Variants in ASPH observed in about 807,000 individuals in gnomAD.
ASPH encodes aspartyl/asparaginyl beta-hydroxylase.
In ASPH, 100 loss-of-function variants were observed where a neutral mutation model predicts 118.4. The ratio of observed to expected loss-of-function variants is 0.84; its 90% CI spans 0.72 to 1.00. The LOEUF (loss-of-function observed/expected upper bound fraction) is 1.00, where lower values mean the gene tolerates loss of function less well. Ranked by LOEUF, ASPH falls within the 50% of genes least tolerant of loss-of-function variation. ASPH has a pLI of 0.00. For missense variants in ASPH, 920 were observed against 919.5 expected (o/e 1.00, Z -0.01); for synonymous variants, 315 against 325.6 (o/e 0.97, Z 0.35).
chr8:61,514,944 G>A (rs917985300), intron 24 of ASPH, among the ~76,000 whole-genome samples: 3 of 151,272 alleles, frequency 2.0e-5, no homozygotes, highest in African/African-American at 7.3e-5. Flanking sequence ...AGGCAGGAAG[G>A]CAGGGAGGCA....
At chr8:61,684,975 T>C (rs1399811436) in intron 1 of ASPH, among the ~76,000 whole-genome samples, 1 of 151,980 alleles carries the variant, frequency 6.6e-6, no homozygotes. Context: ...TATTAATAAA[T>C]AAAAAGAATA....
rs114354626 is a variant in ASPH, at chr8:61,671,483, C to G, written c.322+9485G>C. Among the ~76,000 whole-genome samples, 1,061 of 152,250 alleles carry G rather than the reference C, an allele frequency of 7.0e-3. 15 individuals carry two copies. The highest frequency in any genetic ancestry group is 0.024 in the African/African-American group (999 of 41,544). On this transcript the variant is annotated intron_variant, in intron 3 of 24. Transcript: ENST00000379454. ...ACATCTTGGTATTTCTTAATCCATT[C>G]AGACAAAAGTTGTTTTTAATTAATA... is the stretch of plus-strand genomic sequence containing the variant.
rs757411104 is a variant in ASPH at position 61,553,099 on chromosome 8, G to C, written c.1558C>G (p.Pro520Ala). The C allele has an allele frequency of 6.2e-7, 1 of 1,613,464 alleles. No individual in the cohort carries two copies. The highest frequency in any genetic ancestry group is 1.1e-5 in the South Asian group (1 of 91,064). ...YLKEGIESGDPGTDDGRFYFH... is the reference protein window; with the variant it reads ...YLKEGIESGDAGTDDGRFYFH... ...TAAAATCTCCCATCATCAGTGCCAG[G>C]ATCTCCGGATTCTATTCCTTCCTGT... The change falls in exon 20 of 25, where the codon CCT becomes GCT. Residue 520 changes from proline to alanine, a missense_variant. By Grantham distance (27) the Pro-to-Ala change is conservative (BLOSUM62 -1). Coordinates refer to ENST00000379454, the MANE Select transcript of ASPH (RefSeq NM_004318.4).
At chr8:61,689,874 C>A (rs1057352858) in intron 1 of ASPH, 22 of 1,327,068 alleles carry the variant, frequency 1.7e-5, no homozygotes, top group Non-Finnish European at 2.1e-5. Context: ...AAACTCTGCT[C>A]ACCAGTTATT....
chr8:61,687,052 T>A (rs1403809838), intron 1 of ASPH, among the ~76,000 whole-genome samples: 1 of 151,990 alleles, frequency 6.6e-6, no homozygotes, highest in Non-Finnish European at 1.5e-5. Context: ...GATTGCACCA[T>A]TATACTCCAG....
At chr8:61,578,294 C>T in intron 15 of ASPH, 4 of 1,592,640 alleles carry the variant, frequency 2.5e-6, no homozygotes, top group Admixed American at 3.4e-5. Context: ...GCCGCTCCTA[C>T]ACGAGTGGGC....
At chr8:61,615,648 A>G (rs1848762131) in intron 14 of ASPH, among the ~76,000 whole-genome samples, 2 of 152,224 alleles carry the variant, frequency 1.3e-5, no homozygotes, top group African/African-American at 4.8e-5. Flanking sequence ...TTTGTAGTTC[A>G]CACATTTTGT....
chr8:61,584,875 G>T (rs765016687), intron 14 of ASPH, among the ~76,000 whole-genome samples: 1 of 151,924 alleles, frequency 6.6e-6, no homozygotes, highest in Admixed American at 6.6e-5. Context: ...TGTGAAAAAC[G>T]TGCCTATCCT....
chr8:61,637,997 G>T lies in ASPH; in HGVS notation c.839C>A (p.Thr280Asn). Residue 280 changes from threonine (T) to asparagine (N), a missense_variant, in exon 12 of 25, where the codon ACT becomes AAT. Transcript: ENST00000379454. ...TACAGGATTATCCTCAGGGGGAGCA[G>T]TTACTTCTAAAATAAAGAATAAAAT... ...ENEGIEITEVTAPPEDNPVED... is the reference protein window; with the variant it reads ...ENEGIEITEVNAPPEDNPVED... The T allele has an allele frequency of 6.2e-7, 1 of 1,607,414 alleles. No homozygotes were observed. The highest frequency in any genetic ancestry group is 1.1e-5 in the South Asian group (1 of 89,628).
chr8:61,691,835 A>C (rs917478599), intron 1 of ASPH, among the ~76,000 whole-genome samples: 1 of 152,228 alleles, frequency 6.6e-6, no homozygotes, highest in South Asian at 2.1e-4. Context: ...AATCGTGACT[A>C]GTGCATAAAT....
intron 21 of ASPH, among the ~76,000 whole-genome samples, chr8:61,544,432 C>A (rs1823056257): frequency 6.6e-6 from 1 of 152,206 alleles, no homozygotes; most frequent in Non-Finnish European, 1.5e-5. Context: ...TCATCAGGAA[C>A]TGAGAACATT....
intron 3 of ASPH, among the ~76,000 whole-genome samples, chr8:61,669,556 A>G (rs1461549950): frequency 6.6e-6 from 1 of 152,234 alleles, no homozygotes; most frequent in Non-Finnish European, 1.5e-5. Context: ...CCCAGCAATA[A>G]TGAGTGCTAT....
At chr8:61,592,943 G>A in intron 14 of ASPH, among the ~76,000 whole-genome samples, 1 of 152,180 alleles carries the variant, frequency 6.6e-6, no homozygotes, top group African/African-American at 2.4e-5. Context: ...AGAATCCCAT[G>A]TTAGGATTTT....
intron 3 of ASPH, among the ~76,000 whole-genome samples, chr8:61,673,147 G>C (rs557814135): frequency 1.3e-5 from 2 of 152,270 alleles, no homozygotes; most frequent in African/African-American, 4.8e-5. Context: ...GTAATTTCTA[G>C]AATAAAGAAA....
intron 16 of ASPH, among the ~76,000 whole-genome samples, chr8:61,570,336 T>C (rs765509747): frequency 3.2e-4 from 48 of 152,180 alleles, no homozygotes; most frequent in Non-Finnish European, 3.1e-4. Flanking sequence ...GAAAAGACAT[T>C]GTAAATTGTA....
intron 14 of ASPH, among the ~76,000 whole-genome samples, chr8:61,603,210 A>G (rs867428330): frequency 0.019 from 2,876 of 150,678 alleles, 123 homozygotes; most frequent in African/African-American, 0.065. Flanking sequence ...AAAAAAAAAA[A>G]AAAAAAAAGA....
At chr8:61,581,254 C>T (rs1388516953) in intron 15 of ASPH, among the ~76,000 whole-genome samples, 1 of 152,234 alleles carries the variant, frequency 6.6e-6, no homozygotes, top group Non-Finnish European at 1.5e-5. Context: ...TTTCCCTTCC[C>T]TAAGTTTTTG....
chr8:61,587,622 G>A (rs1236387976), intron 14 of ASPH, among the ~76,000 whole-genome samples: 1 of 152,176 alleles, frequency 6.6e-6, no homozygotes, highest in African/African-American at 2.4e-5. Flanking sequence ...GAGCAATGCT[G>A]TATCTTAGTG....
chr8:61,505,902 C>T (rs954763153), intron 24 of ASPH, among the ~76,000 whole-genome samples: 4 of 152,162 alleles, frequency 2.6e-5, no homozygotes, highest in Non-Finnish European at 4.4e-5. Flanking sequence ...GTTAGGCAGG[C>T]ATTTTCTAGG....
Sources: gnomAD v4.1 joint callset for allele counts (sites outside exome capture counted in the v4.1 genomes callset) on GRCh38, gnomAD v4.1.1 for gene constraint, MANE v1.5 for transcripts, NCBI Gene and HGNC (gene_info 2026-07-23, HGNC 2026-07-21) for gene names.